The following PC variants were observed in gnomAD, a reference collection of about 807,000 sequenced individuals.
PC encodes the protein pyruvate carboxylase, also known as pyruvate carboxylase, mitochondrial.
In PC, 46 loss-of-function variants were observed where a neutral mutation model predicts 107.8. The ratio of observed to expected loss-of-function variants is 0.43; its 90% CI spans 0.34 to 0.55. PC has a LOEUF of 0.55. Ranked by LOEUF, PC falls within the 20% of genes least tolerant of loss-of-function variation. PC has a pLI of 0.04. For missense variants in PC, 1,241 were observed against 1,643.1 expected, an observed-to-expected ratio of 0.76 and a Z score of 4.23; for synonymous variants, 662 against 684.7, an observed-to-expected ratio of 0.97 and a Z score of 0.52.
rs577733105 is a variant in PC, at chr11:66,853,454, G to C, written c.1369-71C>G. On this transcript the variant is annotated intron_variant, in intron 12 of 22. Transcript: ENST00000393960. ...CAGGGAAGGCAGAGGAGAAAAGGCT[G>C]AAAGAGAAAAGGCTGAAGATGCTGC... 60 of 1,584,726 alleles carry C rather than the reference G, an allele frequency of 3.8e-5. No homozygotes were observed. In the African/African-American group the frequency reaches 7.4e-4, roughly 19 times the overall value.
intron 3 of PC, among the ~76,000 whole-genome samples, chr11:66,935,448 G>A (rs373571508): frequency 6.6e-6 from 1 of 152,180 alleles, no homozygotes; most frequent in East Asian, 1.9e-4. Context: ...TGCCTTAGAT[G>A]GAGGTAGACT....
rs368783983 is a variant in PC at position 66,849,309 on chromosome 11, C to G, written c.3209G>C (p.Arg1070Pro). ...IKALAVSDLN[R>P]AGQRQVFFEL... Reference sequence around the variant, plus strand: ...AAAGAAGACCTGCCTCTGGCCGGCCCGGTTCAGGTCGCTCACGGCCAGGGC... The same window carrying G: ...AAAGAAGACCTGCCTCTGGCCGGCCGGGTTCAGGTCGCTCACGGCCAGGGC... Residue 1070 changes from arginine to proline, a missense_variant, in exon 22 of 23, where the codon CGG becomes CCG. By Grantham distance (103) the Arg-to-Pro change is moderately radical. Transcript: ENST00000393960. 4 of 1,613,622 alleles carry G rather than the reference C, an allele frequency of 2.5e-6. No individual in the cohort carries two copies. The highest frequency in any genetic ancestry group is 2.5e-6 in the Non-Finnish European group (3 of 1,180,038).
At chr11:66,860,684 G>T (rs1190413419) in intron 12 of PC, 1 of 701,166 alleles carries the variant, frequency 1.4e-6, no homozygotes, top group African/African-American at 1.7e-5. Context: ...AAGAGCATGG[G>T]CTTGGGCAGG....
chr11:66,945,991 C>T (rs1407046604), intron 3 of PC, among the ~76,000 whole-genome samples: 1 of 148,232 alleles, frequency 6.7e-6, no homozygotes, highest in Non-Finnish European at 1.5e-5. Flanking sequence ...GAGGCTGAGG[C>T]AGGAGAATGG....
intron 3 of PC, among the ~76,000 whole-genome samples, chr11:66,948,930 A>C (rs959533108): frequency 6.6e-6 from 1 of 152,110 alleles, no homozygotes; most frequent in African/African-American, 2.4e-5. Flanking sequence ...GATTTACAAG[A>C]GTCATTTAGG....
At chr11:66,886,076 A>G (rs1036409140) in intron 3 of PC, among the ~76,000 whole-genome samples, 1 of 152,072 alleles carries the variant, frequency 6.6e-6, no homozygotes, top group African/African-American at 2.4e-5. Flanking sequence ...GGCAGCAGAG[A>G]TGAGAAGTGA....
chr11:66,850,121 G>A lies in PC; in HGVS notation c.2719-5C>T, dbSNP rs1341424841. 6.2e-7 allele frequency: 1 copy of A among 1,613,208 alleles called. No homozygotes were observed. Among genetic ancestry groups the A allele is most frequent in the Non-Finnish European group, 8.5e-7 (1 of 1,179,934 alleles). The stretch of plus-strand genomic sequence containing the variant: ...GATCTTGGAGGAGGGCGTCACCTGA[G>A]GAGAAGGCCCTGGAGGTTAGGGTGC... On this transcript the variant is annotated splice_polypyrimidine_tract_variant and splice_region_variant and intron_variant, in intron 19 of 22. Transcript: ENST00000393960.
At chr11:66,905,842 G>A (rs1490146781) in intron 3 of PC, among the ~76,000 whole-genome samples, 1 of 152,088 alleles carries the variant, frequency 6.6e-6, no homozygotes, top group African/African-American at 2.4e-5. Flanking sequence ...CGGGTGCCTG[G>A]GCTGCCCAGG....
At chr11:66,933,370 G>A (rs904000028) in intron 3 of PC, among the ~76,000 whole-genome samples, 10 of 152,156 alleles carry the variant, frequency 6.6e-5, no homozygotes, top group African/African-American at 2.2e-4. Flanking sequence ...CATTTTCTCC[G>A]GGTAAGTCTC....
At chr11:66,919,716 G>C (rs951241382) in intron 3 of PC, 13 of 152,216 alleles carry the variant, frequency 8.5e-5, no homozygotes, top group Admixed American at 7.9e-4. Flanking sequence ...GAGGAGCTTG[G>C]TTCAGGCATC....
intron 11 of PC, among the ~76,000 whole-genome samples, chr11:66,864,217 A>G (rs1262074125): frequency 6.6e-6 from 1 of 152,168 alleles, no homozygotes. Flanking sequence ...GAGGAAGGGA[A>G]TGCCTGCCGC....
intron 12 of PC, chr11:66,860,041 C>T (rs1320235812): frequency 1.9e-6 from 3 of 1,578,678 alleles, no homozygotes; most frequent in Non-Finnish European, 1.7e-6. Context: ...CGCAGCTGCT[C>T]TCTGGACCTG....
intron 12 of PC, among the ~76,000 whole-genome samples, chr11:66,855,495 C>T (rs1342835195): frequency 1.3e-5 from 2 of 152,162 alleles, no homozygotes; most frequent in South Asian, 2.1e-4. Context: ...GATGGGGTTT[C>T]GCCATGTTTG....
intron 3 of PC, among the ~76,000 whole-genome samples, chr11:66,902,282 C>T (rs577641386): frequency 2.6e-5 from 4 of 152,244 alleles, no homozygotes; most frequent in East Asian, 1.9e-4. Flanking sequence ...AGAGGCTTCC[C>T]GGAGATGCAG....
At chr11:66,932,107 T>C (rs1192590805) in intron 3 of PC, among the ~76,000 whole-genome samples, 2 of 151,736 alleles carry the variant, frequency 1.3e-5, no homozygotes, top group Admixed American at 1.3e-4. Context: ...ACAGACAAGA[T>C]AATTTAACCG....
chr11:66,901,627 T>G (rs555703647), intron 3 of PC, among the ~76,000 whole-genome samples: 212 of 152,252 alleles, frequency 1.4e-3, no homozygotes, highest in Non-Finnish European at 2.4e-3. Context: ...CCTGCCACCA[T>G]GCCTGGCTAA....
intron 12 of PC, among the ~76,000 whole-genome samples, chr11:66,856,130 A>G (rs1396529909): frequency 6.6e-6 from 1 of 151,840 alleles, no homozygotes; most frequent in African/African-American, 2.4e-5. Context: ...ACCAGGAAGC[A>G]AAGAACCTCC....
chr11:66,865,722 C>T (rs771211739), intron 11 of PC, among the ~76,000 whole-genome samples: 8 of 152,192 alleles, frequency 5.3e-5, no homozygotes, highest in Non-Finnish European at 8.8e-5. Context: ...CTCCCTCCCC[C>T]ATCCTTGATG....
At chr11:66,914,176 C>T (rs1462507221) in intron 3 of PC, among the ~76,000 whole-genome samples, 5 of 152,118 alleles carry the variant, frequency 3.3e-5, no homozygotes, top group Non-Finnish European at 7.3e-5. Context: ...ATTCCTGCCC[C>T]TCTCTCTCCA....
Sources: gnomAD v4.1 joint callset for allele counts (sites outside exome capture counted in the v4.1 genomes callset) on GRCh38, gnomAD v4.1.1 for gene constraint, MANE v1.5 for transcripts, NCBI Gene and HGNC (gene_info 2026-07-23, HGNC 2026-07-21) for gene names.